Variants in ZNF317 observed in about 807,000 individuals in gnomAD.
ZNF317 encodes the protein zinc finger protein 317, also known as KRAB-containing zinc finger protein 317.
In ZNF317, 17 loss-of-function variants were observed where a neutral mutation model predicts 23.4. The ratio of observed to expected loss-of-function variants is 0.73; its 90% CI spans 0.50 to 1.09. The LOEUF (loss-of-function observed/expected upper bound fraction) is 1.09, where lower values mean the gene tolerates loss of function less well. ZNF317 is among the 50% of genes least tolerant of loss of function. ZNF317 has a pLI of 0.00. For missense variants in ZNF317, 679 were observed against 796.7 expected (o/e 0.85, Z 1.78); for synonymous variants, 317 against 314.9 (o/e 1.01, Z -0.07).
At chr19:9,143,601 A>G (rs2050653923) in intron 1 of ZNF317, among the ~76,000 whole-genome samples, 2 of 114,948 alleles carry the variant, frequency 1.7e-5, no homozygotes, top group African/African-American at 3.9e-5. Context: ...TCTGTGGTCA[A>G]GCATTTTCTG....
chr19:9,149,354 C>G (rs1020136375), intron 1 of ZNF317, among the ~76,000 whole-genome samples: 5 of 151,990 alleles, frequency 3.3e-5, no homozygotes, highest in African/African-American at 1.2e-4. Flanking sequence ...CACCTATAGT[C>G]CCAGCTACTT....
At chr19:9,159,348 A>G (rs932096264) in intron 6 of ZNF317, among the ~76,000 whole-genome samples, 2 of 152,082 alleles carry the variant, frequency 1.3e-5, no homozygotes, top group African/African-American at 4.8e-5. Context: ...AGCTGGGACT[A>G]TAGGCGTGTG....
At chr19:9,150,324 A>T (rs766461912) in intron 1 of ZNF317, among the ~76,000 whole-genome samples, 32 of 152,170 alleles carry the variant, frequency 2.1e-4, no homozygotes, top group Non-Finnish European at 4.3e-4. Flanking sequence ...ATGTTTGTTT[A>T]CTGAGCCTAT....
Position 9,160,009 on chromosome 19 carries a change from A to T in ZNF317, c.469-105A>T. 6.6e-7 allele frequency: 1 copy of T among 1,506,194 alleles called. No individual in the cohort carries two copies. The highest frequency in any genetic ancestry group is 9.0e-7 in the Non-Finnish European group (1 of 1,106,362). 93.3% of individuals were successfully genotyped at this position (1,506,194 alleles called of 1,614,324 possible). ...GGCAGATGGTTACAGCTCTAGTCAT[A>T]GTAATGTGCTTCTATCTGTTCATAG... On this transcript the variant is annotated intron_variant, in intron 6 of 6. Transcript: ENST00000247956. The surrounding 1 kb of genome is among the most constrained non-coding windows in gnomAD (Gnocchi z 6.8).
In ZNF317 at chr19:9,156,710, A is replaced by G. The variant is rs556354097; in HGVS notation, c.124A>G (p.Ser42Gly). 8 of 1,614,196 alleles carry G rather than the reference A, an allele frequency of 5.0e-6. No individual in the cohort carries two copies. Among genetic ancestry groups the G allele is most frequent in the Non-Finnish European group, 6.8e-6 (8 of 1,180,032 alleles). Residue 42 changes from serine to glycine, a missense_variant, in exon 3 of 7, where the codon AGT (serine) becomes GGT (glycine). By Grantham distance (56) the Ser-to-Gly change is moderately conservative. Transcript: ENST00000247956. ...CPQNLDLFVC[S>G]GLEPHTPSVG... ...CCAGAATTTGGACCTGTTCGTGTGC[A>G]GTGGTCTGGAGCCTCACACACCCAG...
At chr19:9,141,878 T>G (rs1211457774) in intron 1 of ZNF317, among the ~76,000 whole-genome samples, 8 of 152,308 alleles carry the variant, frequency 5.3e-5, no homozygotes, top group African/African-American at 1.9e-4. Context: ...CAATCTCGGC[T>G]CACTGCAACC....
rs776519300 is a variant in ZNF317 at position 9,160,782 on chromosome 19, G to A, written c.1137G>A (p.Leu379=). The A allele has an allele frequency of 3.1e-6, 5 of 1,613,932 alleles. No individual in the cohort carries two copies. The highest frequency in any genetic ancestry group is 3.4e-6 in the Non-Finnish European group (4 of 1,180,032). The change falls in exon 7 of 7, where the codon TTG becomes TTA. Residue 379 remains leucine, a synonymous_variant. Transcript: ENST00000247956. This position sits in a 1 kb window ranked among gnomAD's most constrained non-coding sequence, Gnocchi z 6.8. ...TCCGCTGGAAGTCCAACTTTAATTTGCACAAGAAGAACCACATGGTGGAGA... is the reference window on the plus strand; with the variant it reads ...TCCGCTGGAAGTCCAACTTTAATTTACACAAGAAGAACCACATGGTGGAGA... ...KAFRWKSNFN[L]HKKNHMVEKT... is the part of the protein sequence containing the mutation.
intron 6 of ZNF317, 91 bp downstream of exon 6, chr19:9,158,999 C>A: frequency 1.2e-6 from 1 of 829,392 alleles, no homozygotes; most frequent in South Asian, 1.4e-5. Context: ...AACACCAGGG[C>A]AAGCAGCTTC....
At chr19:9,141,870 A>G (rs529816812) in intron 1 of ZNF317, among the ~76,000 whole-genome samples, 9 of 152,206 alleles carry the variant, frequency 5.9e-5, no homozygotes, top group African/African-American at 2.2e-4. Flanking sequence ...TGCAATGACA[A>G]TCTCGGCTCA....
chr19:9,149,526 A>C (rs1446025280), intron 1 of ZNF317, among the ~76,000 whole-genome samples: 2 of 152,060 alleles, frequency 1.3e-5, no homozygotes, highest in African/African-American at 4.8e-5. Flanking sequence ...GTAAAGTTGA[A>C]TAAAGATCTG....
At position 9,161,690 on chromosome 19, in the gene ZNF317, C is replaced by T. The variant is rs1568317137; in HGVS notation, c.*257C>T. ...GGGTACATTCAGCTCTTAACAAACACAGGAGGACTTAATGGCAGCTTGGCA... is the reference window on the plus strand; with the variant it reads ...GGGTACATTCAGCTCTTAACAAACATAGGAGGACTTAATGGCAGCTTGGCA... On this transcript the variant is annotated 3_prime_UTR_variant, in exon 7 of 7. Transcript: ENST00000247956. The surrounding 1 kb of genome is among the most constrained non-coding windows in gnomAD (Gnocchi z 4.0). 4.4e-6 allele frequency: 2 copies of T among 451,002 alleles called. No homozygotes were observed. Among genetic ancestry groups the T allele is most frequent in the East Asian group, 7.4e-5 (2 of 27,034 alleles). 27.9% of individuals were successfully genotyped at this position (451,002 alleles called of 1,614,324 possible).
intron 5 of ZNF317, 117 bp downstream of exon 5, chr19:9,158,192 C>A (rs1196318608): frequency 1.5e-6 from 2 of 1,304,506 alleles, no homozygotes; most frequent in Admixed American, 3.1e-5. Context: ...CTCCTTCCCT[C>A]TTTTTGCCCA....
chr19:9,161,078 C>T lies in ZNF317; in HGVS notation c.1433C>T (p.Ala478Val), dbSNP rs747209318. ...CAAGAGAGACGCTACGAATGCGCCG[C>T]CTGCGGGAAAGTCTTCGGTGACTAT... ...HTQERRYECA[A>V]CGKVFGDYLS... is the part of the protein sequence containing the mutation. Residue 478 changes from alanine (A) to valine (V), a missense_variant, in exon 7 of 7, where the codon GCC becomes GTC. Physicochemically the swap from Ala to Val is moderately conservative, Grantham distance 64. Transcript: ENST00000247956. This position sits in a 1 kb window ranked among gnomAD's most constrained non-coding sequence, Gnocchi z 4.0. The T allele has an allele frequency of 3.1e-6, 5 of 1,613,998 alleles. No homozygotes were observed. The highest frequency in any genetic ancestry group is 4.2e-6 in the Non-Finnish European group (5 of 1,180,018).
rs111907713 is a variant in ZNF317, at chr19:9,144,837, C to T, written c.-93+4245C>T. 5.4e-3 allele frequency among the ~76,000 whole-genome samples: 821 copies of T among 152,140 alleles called. 3 individuals are homozygous for T. The highest frequency in any genetic ancestry group is 8.7e-3 in the Non-Finnish European group (594 of 68,004). On this transcript the variant is annotated intron_variant, in intron 1 of 6. Coordinates refer to ENST00000247956, the MANE Select transcript of ZNF317 (RefSeq NM_020933.5). Reference sequence around the variant, plus strand: ...TGGTTCTTTAATTACTTCTTTCTCCCTGAGGTATGTCTTTGATGATGTCTC... The same window carrying T: ...TGGTTCTTTAATTACTTCTTTCTCCTTGAGGTATGTCTTTGATGATGTCTC...
At chr19:9,152,491 C>T (rs961340352) in intron 1 of ZNF317, among the ~76,000 whole-genome samples, 1 of 152,190 alleles carries the variant, frequency 6.6e-6, no homozygotes, top group Non-Finnish European at 1.5e-5. Context: ...CACCTCCTGT[C>T]AGATCATCAG....
chr19:9,157,954 A>C (rs1031677933), intron 4 of ZNF317, 26 bp from the exon 5 acceptor site: 3 of 1,549,390 alleles, frequency 1.9e-6, no homozygotes, highest in Admixed American at 3.9e-5. Flanking sequence ...GCCCTCCCTC[A>C]ACCTGTGTCT....
chr19:9,146,285 G>A (rs1031781696), intron 1 of ZNF317, among the ~76,000 whole-genome samples: 1 of 151,742 alleles, frequency 6.6e-6, no homozygotes, highest in East Asian at 1.9e-4. Context: ...ATCTCATCTA[G>A]CTGGTTGAAA....
chr19:9,156,164 G>A, intron 2 of ZNF317, 123 bp downstream of exon 2: 2 of 1,298,856 alleles, frequency 1.5e-6, no homozygotes, highest in African/African-American at 1.5e-5. Context: ...GTGGAAAAGG[G>A]GTGGGAACAG....
At position 9,149,948 on chromosome 19, in the gene ZNF317, T is replaced by C. The variant is rs143320044; in HGVS notation, c.-92-5977T>C. On this transcript the variant is annotated intron_variant, in intron 1 of 6. Transcript: ENST00000247956. Reference sequence around the variant, plus strand: ...GGTGAGAAGCAACCAGATTTTTGTATTAAGTTTTAAAGTTAAGGCTGGCAG... The same window carrying C: ...GGTGAGAAGCAACCAGATTTTTGTACTAAGTTTTAAAGTTAAGGCTGGCAG... 2.0e-5 allele frequency among the ~76,000 whole-genome samples: 3 copies of C among 152,266 alleles called. No individual in the cohort carries two copies. The East Asian group carries it at 5.8e-4, about 29-fold the overall frequency.
Sources: gnomAD v4.1 joint callset for allele counts (sites outside exome capture counted in the v4.1 genomes callset) on GRCh38, gnomAD v4.1.1 for gene constraint, Gnocchi (gnomAD v3.1) non-coding constraint, MANE v1.5 for transcripts, NCBI Gene and HGNC (gene_info 2026-07-23, HGNC 2026-07-21) for gene names.